MYO5C: variants seen among roughly 807,000 people sequenced by gnomAD.
MYO5C encodes the protein unconventional myosin-Vc.
In MYO5C, 194 loss-of-function variants were observed where a neutral mutation model predicts 235.7. The ratio of observed to expected loss-of-function variants is 0.82; its 90% CI spans 0.73 to 0.93. The LOEUF (loss-of-function observed/expected upper bound fraction) is 0.93, where lower values mean the gene tolerates loss of function less well. MYO5C is among the 40% of genes least tolerant of loss of function. MYO5C has a pLI of 0.00. For synonymous variants in MYO5C, 707 were observed against 754.8 expected, an observed-to-expected ratio of 0.94 and a Z score of 1.04; for missense variants, 2,038 against 2,127.2, an observed-to-expected ratio of 0.96 and a Z score of 0.82.
At chr15:52,212,015 T>A (rs1270115120) in intron 34 of MYO5C, 131 bp from the exon 35 acceptor site, 23 of 854,368 alleles carry the variant, frequency 2.7e-5, no homozygotes, top group Admixed American at 1.5e-4. Context: ...ATGGATTTAT[T>A]TCCTCTTTGA....
At chr15:52,269,948 A>T (rs1231372036) in intron 7 of MYO5C, 88 bp from the exon 8 acceptor site, 1 of 907,368 alleles carries the variant, frequency 1.1e-6, no homozygotes, top group East Asian at 2.4e-5. Context: ...TCATACTCAA[A>T]GAACTGTGTC....
intron 9 of MYO5C, among the ~76,000 whole-genome samples, chr15:52,263,427 C>G (rs545759232): frequency 1.3e-5 from 2 of 152,108 alleles, no homozygotes; most frequent in African/African-American, 4.8e-5. Context: ...CAATACATTC[C>G]CAGGAAGCCA....
intron 1 of MYO5C, among the ~76,000 whole-genome samples, chr15:52,289,084 A>G (rs1159712299): frequency 6.6e-6 from 1 of 152,118 alleles, no homozygotes; most frequent in African/African-American, 2.4e-5. Context: ...GGGAGTGTCC[A>G]CACTCCAGGT....
chr15:52,277,803 G>A (rs971592564), intron 4 of MYO5C: 5 of 454,052 alleles, frequency 1.1e-5, no homozygotes, highest in Non-Finnish European at 1.8e-5. Flanking sequence ...GCCCCAGACT[G>A]CCCATCAGAC....
chr15:52,239,191 T>G (rs1022347288), intron 21 of MYO5C, among the ~76,000 whole-genome samples: 5 of 152,164 alleles, frequency 3.3e-5, no homozygotes, highest in African/African-American at 1.2e-4. Flanking sequence ...CCTCAGGTGA[T>G]CCGCCCCCCA....
chr15:52,223,449 C>A, intron 29 of MYO5C, 95 bp downstream of exon 29: 2 of 1,182,792 alleles, frequency 1.7e-6, no homozygotes, highest in South Asian at 1.6e-5. Context: ...AATTTATATC[C>A]ACTCTTTTAC....
At chr15:52,219,607 T>C in intron 31 of MYO5C, 152 bp downstream of exon 31, 1 of 629,480 alleles carries the variant, frequency 1.6e-6, no homozygotes, top group South Asian at 1.9e-5. Context: ...TACATACACA[T>C]ATTTCTTTCC....
At chr15:52,222,099 G>A (rs1014843078) in intron 29 of MYO5C, among the ~76,000 whole-genome samples, 17 of 152,170 alleles carry the variant, frequency 1.1e-4, no homozygotes, top group Admixed American at 8.5e-4. Context: ...TTCTGAGCAC[G>A]TTTAAGGCAG....
At chr15:52,277,184 T>C (rs1238017367) in intron 4 of MYO5C, 1 of 529,680 alleles carries the variant, frequency 1.9e-6, no homozygotes, top group East Asian at 5.5e-5. Context: ...TCTACAGCCC[T>C]GAGGGACACT....
intron 1 of MYO5C, among the ~76,000 whole-genome samples, chr15:52,293,244 C>T (rs1372706189): frequency 6.6e-6 from 1 of 152,150 alleles, no homozygotes; most frequent in Non-Finnish European, 1.5e-5. Context: ...CCTGTTAGCT[C>T]CTCCTCTGGA....
At chr15:52,243,482 A>G (rs1014579639) in intron 19 of MYO5C, 4 of 152,358 alleles carry the variant, frequency 2.6e-5, no homozygotes, top group African/African-American at 7.2e-5. Context: ...GAAGCACAGG[A>G]GGGCAAGCCA....
rs982784426 is a variant in MYO5C, at chr15:52,199,076, G to A, written c.4821-2593C>T. Among the ~76,000 whole-genome samples, 4 of 151,262 alleles carry A rather than the reference G, an allele frequency of 2.6e-5. No homozygotes were observed. The East Asian group carries it at 7.8e-4, about 30-fold the overall frequency. On this transcript the variant is annotated intron_variant, in intron 38 of 40. Coordinates refer to ENST00000261839, the MANE Select transcript of MYO5C (RefSeq NM_018728.4). The stretch of plus-strand genomic sequence containing the variant: ...CCTGGCTAATTTTTTTGTATTTTTA[G>A]TAGAGACAGGGTTTCACTGTGTTAG...
chr15:52,278,098 T>C, intron 4 of MYO5C: 4 of 370,662 alleles, frequency 1.1e-5, no homozygotes, highest in Non-Finnish European at 2.1e-5. Context: ...GACCACTGTA[T>C]GTGAAAGTTC....
intron 8 of MYO5C, among the ~76,000 whole-genome samples, chr15:52,269,307 T>C (rs1453984005): frequency 2.6e-5 from 4 of 152,314 alleles, no homozygotes; most frequent in Middle Eastern, 6.8e-3. Context: ...TCTCCAAATA[T>C]GTTCTGATGT....
At chr15:52,243,994 T>C (rs1031295310) in intron 19 of MYO5C, among the ~76,000 whole-genome samples, 4 of 152,248 alleles carry the variant, frequency 2.6e-5, no homozygotes, top group South Asian at 4.1e-4. Flanking sequence ...ATCTGTCCTT[T>C]GGATCTTCAC....
intron 21 of MYO5C, among the ~76,000 whole-genome samples, chr15:52,238,324 C>T (rs2036134327): frequency 6.6e-6 from 1 of 152,218 alleles, no homozygotes; most frequent in Non-Finnish European, 1.5e-5. Flanking sequence ...GTTGGGACTC[C>T]CACCAGGCAT....
rs1419280118 is a variant in MYO5C at position 52,193,974 on chromosome 15, G to A, written c.5157C>T (p.Thr1719=). 2 of 1,613,584 alleles carry A rather than the reference G, an allele frequency of 1.2e-6. No individual in the cohort carries two copies. Among genetic ancestry groups the A allele is most frequent in the Non-Finnish European group, 1.7e-6 (2 of 1,179,834 alleles). ...TCATTTCCAGAGCATGTGGAGAGGGGGTAAAAGGAAATGTGACTTGAAAGA... is the reference window on the plus strand; with the variant it reads ...TCATTTCCAGAGCATGTGGAGAGGGAGTAAAAGGAAATGTGACTTGAAAGA... ...KYLFQVTFPF[T]PSPHALEMIQ... The change falls in exon 41 of 41, where the codon ACC becomes ACT. Residue 1719 remains threonine, a synonymous_variant. Coordinates refer to ENST00000261839, the MANE Select transcript of MYO5C (RefSeq NM_018728.4).
chr15:52,199,059 A>G lies in MYO5C; in HGVS notation c.4821-2576T>C, dbSNP rs146569724. Among the ~76,000 whole-genome samples the G allele has an allele frequency of 5.0e-3, 741 of 149,146 alleles. 18 individuals carry two copies. The highest frequency in any genetic ancestry group is 0.027 in the Admixed American group (396 of 14,896). On this transcript the variant is annotated intron_variant, in intron 38 of 40. Coordinates refer to ENST00000261839, the MANE Select transcript of MYO5C (RefSeq NM_018728.4). ...CAGCTACTGCCACCAAACCTGGCTA[A>G]TTTTTTTGTATTTTTAGTAGAGACA... is the stretch of plus-strand genomic sequence containing the variant.
In MYO5C at chr15:52,219,679, A is replaced by G. The variant is rs575035529; in HGVS notation, c.3785+80T>C. ...TAGCATCTTGCTTTTTGGCATTAGT[A>G]ACACATCTTGGTATATTCTACAGTT... On this transcript the variant is annotated intron_variant, in intron 31 of 40. Transcript: ENST00000261839. 1,287 of 1,137,976 alleles carry G rather than the reference A, an allele frequency of 1.1e-3. 16 individuals are homozygous for G. The South Asian group carries it at 0.016, about 14-fold the overall frequency. The allele number at this position is 1,137,976 out of a possible 1,614,324, so 70.5% of individuals were successfully genotyped here.
Sources: allele counts gnomAD v4.1 joint callset (sites outside exome capture counted in the v4.1 genomes callset), GRCh38; gene constraint gnomAD v4.1.1; transcripts MANE v1.5; gene names NCBI Gene and HGNC (gene_info 2026-07-23, HGNC 2026-07-21).